The following HTR4 variants were observed in gnomAD, a reference collection of about 807,000 sequenced individuals.
HTR4 encodes the protein 5-hydroxytryptamine (serotonin) receptor 4, G protein-coupled.
Under a neutral mutation model 36.8 loss-of-function variants are expected in HTR4, and 16 were observed. The ratio of observed to expected loss-of-function variants is 0.43; its 90% CI spans 0.29 to 0.66. The LOEUF (loss-of-function observed/expected upper bound fraction) is 0.66. Ranked by LOEUF, HTR4 falls within the 30% of genes least tolerant of loss-of-function variation. HTR4 has a pLI of 0.13. For missense variants in HTR4, 438 were observed against 490.9 expected, an observed-to-expected ratio of 0.89 and a Z score of 1.02; for synonymous variants, 189 against 185.1, an observed-to-expected ratio of 1.02 and a Z score of -0.17.
intron 2 of HTR4, among the ~76,000 whole-genome samples, chr5:148,633,608 C>G (rs543597940): frequency 6.8e-6 from 1 of 146,002 alleles, no homozygotes; most frequent in Admixed American, 6.9e-5. Flanking sequence ...CAATTCCCAT[C>G]TATGAGTGAG....
At chr5:148,564,377 T>A (rs184720024) in intron 2 of HTR4, among the ~76,000 whole-genome samples, 41 of 152,312 alleles carry the variant, frequency 2.7e-4, no homozygotes, top group African/African-American at 9.9e-4. Context: ...ACCCTATAAT[T>A]ATATATCATA....
chr5:148,587,488 T>C (rs944994183), intron 2 of HTR4, among the ~76,000 whole-genome samples: 3 of 152,086 alleles, frequency 2.0e-5, no homozygotes, highest in Admixed American at 2.0e-4. Context: ...CTGGGATGGC[T>C]GGTGGTGGAA....
At chr5:148,644,748 C>A (rs1753831680) in intron 1 of HTR4, 1 of 152,094 alleles carries the variant, frequency 6.6e-6, no homozygotes, top group African/African-American at 2.4e-5. Flanking sequence ...TAGAGCTATC[C>A]ACAGTGGAAC....
At chr5:148,621,580 G>A (rs1311286991) in intron 2 of HTR4, among the ~76,000 whole-genome samples, 1 of 152,196 alleles carries the variant, frequency 6.6e-6, no homozygotes. Context: ...TTGTGTTCTT[G>A]AACTTTTCAA....
At chr5:148,451,142 C>A in exon 6 of HTR4, 1 of 1,612,568 alleles carries the variant, frequency 6.2e-7, no homozygotes, top group Non-Finnish European at 8.5e-7. Context: ...TTCATGCAAA[C>A]ATGAATGCGA....
intron 2 of HTR4, among the ~76,000 whole-genome samples, chr5:148,586,651 G>A (rs1761361125): frequency 6.6e-6 from 1 of 152,140 alleles, no homozygotes; most frequent in African/African-American, 2.4e-5. Context: ...AATTAGAGAT[G>A]AGATTTGGGT....
intron 4 of HTR4, among the ~76,000 whole-genome samples, chr5:148,536,136 A>G (rs1210787390): frequency 6.6e-6 from 1 of 152,104 alleles, no homozygotes; most frequent in Non-Finnish European, 1.5e-5. Flanking sequence ...CAGCCAAACT[A>G]AGCTTCCTAA....
At chr5:148,588,560 G>A (rs1168680440) in intron 2 of HTR4, among the ~76,000 whole-genome samples, 1 of 128,282 alleles carries the variant, frequency 7.8e-6, no homozygotes. Context: ...TTGAGATGGA[G>A]TCTCGCTCTG....
At chr5:148,607,629 G>T (rs1022907286) in intron 2 of HTR4, among the ~76,000 whole-genome samples, 5 of 152,114 alleles carry the variant, frequency 3.3e-5, no homozygotes, top group Non-Finnish European at 7.4e-5. Context: ...ATGTGACCCA[G>T]TCCCAGCCAA....
intron 6 of HTR4, among the ~76,000 whole-genome samples, chr5:148,497,337 A>G (rs1756734158): frequency 6.6e-6 from 1 of 152,208 alleles, no homozygotes; most frequent in Non-Finnish European, 1.5e-5. Context: ...GTTATCTCAT[A>G]TCGTCCATCC....
chr5:148,551,979 T>G (rs1759719217), intron 2 of HTR4, among the ~76,000 whole-genome samples: 2 of 152,218 alleles, frequency 1.3e-5, no homozygotes, highest in Admixed American at 1.3e-4. Flanking sequence ...GCTTGTCCTG[T>G]GAGCCCACCA....
At chr5:148,498,213 C>T (rs1424209993) in intron 6 of HTR4, among the ~76,000 whole-genome samples, 1 of 152,140 alleles carries the variant, frequency 6.6e-6, no homozygotes, top group Admixed American at 6.5e-5. Context: ...GATTCTAAAC[C>T]ATTGAGGCCA....
intron 6 of HTR4, among the ~76,000 whole-genome samples, chr5:148,508,158 A>G (rs1393853562): frequency 6.6e-6 from 1 of 152,198 alleles, no homozygotes; most frequent in African/African-American, 2.4e-5. Context: ...TTACACATGC[A>G]AATGAAAATA....
intron 4 of HTR4, among the ~76,000 whole-genome samples, chr5:148,534,405 C>A (rs991106508): frequency 6.6e-6 from 1 of 152,188 alleles, no homozygotes; most frequent in Non-Finnish European, 1.5e-5. Context: ...AGTAGCCAGA[C>A]TTAAGTGGGT....
chr5:148,478,740 T>G (rs893154458), downstream of HTR4, among the ~76,000 whole-genome samples: 1 of 152,058 alleles, frequency 6.6e-6, no homozygotes. Context: ...CCAGGTAGAT[T>G]TGTGTATGAA....
intron 6 of HTR4, among the ~76,000 whole-genome samples, chr5:148,492,669 C>T (rs1453257035): frequency 6.6e-6 from 1 of 152,216 alleles, no homozygotes; most frequent in African/African-American, 2.4e-5. Context: ...ACTGGCATAT[C>T]CCTGAACGGA....
intron 2 of HTR4, among the ~76,000 whole-genome samples, chr5:148,559,590 A>G (rs1760099335): frequency 6.6e-6 from 1 of 152,132 alleles, no homozygotes; most frequent in African/African-American, 2.4e-5. Context: ...TTGAGAGACT[A>G]AACATACAAA....
At chr5:148,633,362 T>C (rs1398076287) in intron 2 of HTR4, among the ~76,000 whole-genome samples, 2 of 151,196 alleles carry the variant, frequency 1.3e-5, no homozygotes, top group Non-Finnish European at 2.9e-5. Flanking sequence ...GCGCATTGTA[T>C]GTATCTTACT....
At chr5:148,524,358 T>C (rs543159830) in intron 4 of HTR4, among the ~76,000 whole-genome samples, 2 of 152,324 alleles carry the variant, frequency 1.3e-5, no homozygotes, top group African/African-American at 4.8e-5. Context: ...AAATTTTGAA[T>C]ATTTCCTGCT....
Sources: allele counts gnomAD v4.1 joint callset (sites outside exome capture counted in the v4.1 genomes callset), GRCh38; gene constraint gnomAD v4.1.1; transcripts MANE v1.5; gene names NCBI Gene and HGNC (gene_info 2026-07-23, HGNC 2026-07-21).